The following ACYP2 variants were observed in gnomAD, a reference collection of about 807,000 sequenced individuals.
ACYP2 encodes the protein acylphosphatase 2, also known as acylphosphatase-2.
Under a neutral mutation model 11.2 loss-of-function variants are expected in ACYP2, and 12 were observed. That is an observed-to-expected ratio of 1.08 (90% CI 0.69 to 1.74). The LOEUF is 1.74. ACYP2 is among the 40% of genes most tolerant of loss of function. The pLI, the probability that ACYP2 is intolerant of heterozygous loss-of-function variation, is 0.00. For missense variants in ACYP2, 134 were observed against 101.9 expected (o/e 1.31, Z -1.35); for synonymous variants, 43 against 32.2 (o/e 1.33, Z -1.13).
intron 2 of ACYP2, among the ~76,000 whole-genome samples, chr2:53,974,551 G>A (rs903668202): frequency 1.3e-5 from 2 of 152,144 alleles, no homozygotes; most frequent in African/African-American, 4.8e-5. Flanking sequence ...GATTTAAAAA[G>A]TTAGAATTGT....
chr2:54,197,702 G>T (rs1271274637), intron 6 of ACYP2, among the ~76,000 whole-genome samples: 1 of 152,132 alleles, frequency 6.6e-6, no homozygotes, highest in Non-Finnish European at 1.5e-5. Flanking sequence ...CCCGAGGCAG[G>T]AACACATTTT....
Position 54,301,553 on chromosome 2 carries a change from C to A in ACYP2, c.405-3135C>A, listed in dbSNP as rs138968402. Among the ~76,000 whole-genome samples, 1,048 of 152,058 alleles carry A rather than the reference C, an allele frequency of 6.9e-3. 10 individuals carry two copies. The highest frequency in any genetic ancestry group is 0.024 in the African/African-American group (981 of 41,438). On this transcript the variant is annotated intron_variant, in intron 6 of 6. Transcript: ENST00000607452. ...GCCCTCCAGTATCTAGAATGACTTG[C>A]GTAAAGTCCTACTTAAATATTTACT...
chr2:54,084,802 A>G (rs1677860362), intron 4 of ACYP2: 1 of 152,218 alleles, frequency 6.6e-6, no homozygotes, highest in Admixed American at 6.5e-5. Flanking sequence ...CTTGCCTTGC[A>G]CTGCCCTCTT....
chr2:53,973,907 ATTTTTTT>A (rs1205008152), intron 2 of ACYP2: 2,428 of 41,146 alleles, frequency 0.059, 89 homozygotes, highest in Non-Finnish European at 0.079. Context: ...GTGTGTATAT[ATTTTTTT>A]TTTTTTTTTT....
At chr2:54,252,309 T>A (rs182971514) in intron 6 of ACYP2, among the ~76,000 whole-genome samples, 1 of 152,212 alleles carries the variant, frequency 6.6e-6, no homozygotes, top group African/African-American at 2.4e-5. Context: ...TTTTCCACTA[T>A]TGATGGACAT....
At chr2:54,023,065 T>C (rs371353118) in intron 2 of ACYP2, among the ~76,000 whole-genome samples, 1 of 152,362 alleles carries the variant, frequency 6.6e-6, no homozygotes. Flanking sequence ...TCTTTTGTTT[T>C]TGAGACCCAG....
At chr2:54,251,888 T>C (rs920296282) in intron 6 of ACYP2, among the ~76,000 whole-genome samples, 1 of 152,104 alleles carries the variant, frequency 6.6e-6, no homozygotes, top group African/African-American at 2.4e-5. Flanking sequence ...CCTACAGGAG[T>C]TCCTCTCCTG....
At chr2:54,053,655 C>G (rs1675978633) in intron 3 of ACYP2, among the ~76,000 whole-genome samples, 1 of 152,184 alleles carries the variant, frequency 6.6e-6, no homozygotes. Flanking sequence ...TTAGGAACTC[C>G]TCTGCCACCA....
chr2:53,987,654 C>G (rs1672100362), intron 2 of ACYP2, among the ~76,000 whole-genome samples: 1 of 152,138 alleles, frequency 6.6e-6, no homozygotes, highest in Admixed American at 6.6e-5. Context: ...GTTGTCACTG[C>G]TTTTTATTTT....
At chr2:54,195,661 G>A (rs1457815846) in intron 6 of ACYP2, among the ~76,000 whole-genome samples, 1 of 147,710 alleles carries the variant, frequency 6.8e-6, no homozygotes, top group Non-Finnish European at 1.5e-5. Flanking sequence ...ACAAAACACT[G>A]TACTAACTGG....
intron 6 of ACYP2, among the ~76,000 whole-genome samples, chr2:54,251,249 A>T (rs1309044153): frequency 2.0e-5 from 3 of 152,208 alleles, no homozygotes; most frequent in African/African-American, 7.2e-5. Flanking sequence ...GGGCCTAGTA[A>T]ATGATCCTAT....
intron 6 of ACYP2, among the ~76,000 whole-genome samples, chr2:54,177,567 A>T (rs1022197303): frequency 8.2e-6 from 1 of 122,272 alleles, no homozygotes; most frequent in Non-Finnish European, 1.5e-5. Context: ...ACCAGGACTG[A>T]TACCTACTAT....
At chr2:54,059,102 G>T (rs1358740628) in intron 4 of ACYP2, among the ~76,000 whole-genome samples, 1 of 151,852 alleles carries the variant, frequency 6.6e-6, no homozygotes, top group East Asian at 1.9e-4. Flanking sequence ...TAGAATGAGG[G>T]GTTTGTCCAA....
At chr2:53,998,594 C>T (rs1228092919) in intron 2 of ACYP2, among the ~76,000 whole-genome samples, 6 of 151,948 alleles carry the variant, frequency 3.9e-5, no homozygotes, top group African/African-American at 1.2e-4. Context: ...AGGGGTGGAT[C>T]GTTTGAGCCC....
At chr2:54,256,276 A>G (rs1687529285) in intron 6 of ACYP2, 6 of 1,049,218 alleles carry the variant, frequency 5.7e-6, no homozygotes, top group East Asian at 2.5e-5. Context: ...CAGTCTCGCG[A>G]CACCCACCCC....
intron 2 of ACYP2, among the ~76,000 whole-genome samples, chr2:53,975,996 T>C (rs1671464885): frequency 6.6e-6 from 1 of 152,180 alleles, no homozygotes; most frequent in Non-Finnish European, 1.5e-5. Flanking sequence ...AGGTTCCTTC[T>C]CCAGCTGGAG....
intron 4 of ACYP2, among the ~76,000 whole-genome samples, chr2:54,132,952 C>T (rs1214052360): frequency 3.9e-5 from 6 of 152,108 alleles, no homozygotes; most frequent in Non-Finnish European, 2.9e-5. Context: ...CCATATTGGT[C>T]AGGCTGGTCT....
At position 54,138,251 on chromosome 2, in the gene ACYP2, T is replaced by C. The variant is rs1035869003; in HGVS notation, c.295-388T>C. Among the ~76,000 whole-genome samples the C allele has an allele frequency of 3.9e-5, 6 of 152,322 alleles. No individual in the cohort carries two copies. The East Asian group carries it at 9.6e-4, about 24-fold the overall frequency. On this transcript the variant is annotated intron_variant, in intron 5 of 6. Coordinates refer to ENST00000607452, the MANE Select transcript of ACYP2 (RefSeq NM_001320586.2). ...AATTGTATATGTTTTTTCTCAGTGA[T>C]TGAGAATCTTGGATTGATTATGATT...
At chr2:54,286,262 C>T (rs757415718) in intron 6 of ACYP2, among the ~76,000 whole-genome samples, 2 of 151,950 alleles carry the variant, frequency 1.3e-5, no homozygotes, top group Non-Finnish European at 1.5e-5. Context: ...TGTTTACCCT[C>T]GTGATCTGGG....
Sources: gnomAD v4.1 joint callset for allele counts (sites outside exome capture counted in the v4.1 genomes callset) on GRCh38, gnomAD v4.1.1 for gene constraint, MANE v1.5 for transcripts, NCBI Gene and HGNC (gene_info 2026-07-23, HGNC 2026-07-21) for gene names.